The following DOCK3 variants were observed in gnomAD, a reference collection of about 807,000 sequenced individuals.
DOCK3 encodes the protein dedicator of cytokinesis 3.
A neutral mutation model predicts 265.6 loss-of-function variants in DOCK3; 60 were observed. That is an observed-to-expected ratio of 0.23 (90% CI 0.18 to 0.28). The LOEUF is 0.28. DOCK3 is among the 10% of genes least tolerant of loss of function. The pLI is 1.00. For missense variants in DOCK3, 1,981 were observed against 2,594.3 expected, an observed-to-expected ratio of 0.76 and a Z score of 5.14; for synonymous variants, 881 against 938.0, an observed-to-expected ratio of 0.94 and a Z score of 1.11.
chr3:51,021,661 C>CTTTTTT (rs61097732), intron 5 of DOCK3, among the ~76,000 whole-genome samples: 1,488 of 142,606 alleles, frequency 0.01, 60 homozygotes, highest in African/African-American at 0.014. Flanking sequence ...GGAGAACTTC[C>CTTTTTT]TTTTTTTTTT....
intron 9 of DOCK3, among the ~76,000 whole-genome samples, chr3:51,095,902 T>C (rs1576056745): frequency 5.7e-5 from 3 of 52,436 alleles, no homozygotes; most frequent in Admixed American, 2.4e-4. Flanking sequence ...GCCCCCATGC[T>C]CTCTGGCAAA....
At chr3:50,976,000 AT>A (rs1454742125) in intron 5 of DOCK3, among the ~76,000 whole-genome samples, 2 of 150,732 alleles carry the variant, frequency 1.3e-5, no homozygotes, top group Non-Finnish European at 1.5e-5. Flanking sequence ...CCCCTTTATC[AT>A]TTTTTATTGC....
chr3:51,215,751 C>A (rs943480972), intron 14 of DOCK3, among the ~76,000 whole-genome samples: 5 of 152,130 alleles, frequency 3.3e-5, no homozygotes, highest in African/African-American at 1.2e-4. Context: ...TACACACAGC[C>A]TTCGTCTTCT....
At chr3:50,935,199 CTT>C in intron 5 of DOCK3, among the ~76,000 whole-genome samples, 1 of 152,266 alleles carries the variant, frequency 6.6e-6, no homozygotes, top group South Asian at 2.1e-4. Flanking sequence ...AAGACAGAAA[CTT>C]TTAGTAATAC....
intron 5 of DOCK3, among the ~76,000 whole-genome samples, chr3:51,003,196 A>C (rs2078547979): frequency 6.6e-6 from 1 of 152,144 alleles, no homozygotes; most frequent in South Asian, 2.1e-4. Context: ...TGAGAAGAAA[A>C]CCTCAAATAG....
chr3:51,374,659 G>T lies in DOCK3; in HGVS notation c.5412+72G>T. On this transcript the variant is annotated intron_variant, in intron 50 of 52. Transcript: ENST00000266037. The surrounding 1 kb of genome is among the most constrained non-coding windows in gnomAD (Gnocchi z 4.8). The stretch of plus-strand genomic sequence containing the variant: ...CCTGTGCTTCCCTCCTTGCATTTGC[G>T]GGGCCTTCTGCATTGTCCTACATGG... 2 of 1,398,036 alleles carry T rather than the reference G, an allele frequency of 1.4e-6. No homozygotes were observed. Among genetic ancestry groups the T allele is most frequent in the Non-Finnish European group, 9.9e-7 (1 of 1,007,436 alleles). 86.6% of individuals were successfully genotyped at this position (1,398,036 alleles called of 1,614,324 possible).
intron 5 of DOCK3, among the ~76,000 whole-genome samples, chr3:51,007,590 A>C (rs1404069006): frequency 6.6e-6 from 1 of 152,112 alleles, no homozygotes; most frequent in Non-Finnish European, 1.5e-5. Flanking sequence ...CTCTGATGGT[A>C]GTTTCTTTTG....
chr3:51,090,468 T>C, intron 9 of DOCK3, 84 bp downstream of exon 9: 1 of 1,379,550 alleles, frequency 7.2e-7, no homozygotes, highest in South Asian at 1.6e-5. Context: ...AGAAGACAGA[T>C]GCACAGAAGA....
At chr3:50,738,940 A>G (rs2038825907) in intron 1 of DOCK3, among the ~76,000 whole-genome samples, 1 of 152,194 alleles carries the variant, frequency 6.6e-6, no homozygotes, top group Admixed American at 6.5e-5. Context: ...GTCCAGGCAC[A>G]AACAACTCTC....
intron 3 of DOCK3, among the ~76,000 whole-genome samples, chr3:50,849,174 A>C (rs1443350087): frequency 1.3e-5 from 2 of 152,172 alleles, no homozygotes; most frequent in East Asian, 3.9e-4. Context: ...AGCTGGGACC[A>C]CAGGCACATG....
At chr3:50,935,735 C>T (rs149093662) in intron 5 of DOCK3, among the ~76,000 whole-genome samples, 14 of 152,184 alleles carry the variant, frequency 9.2e-5, no homozygotes, top group Non-Finnish European at 1.6e-4. Context: ...GAAGTTACGT[C>T]ATCTACATAA....
chr3:50,738,583 C>A (rs182539843), intron 1 of DOCK3, among the ~76,000 whole-genome samples: 1 of 152,252 alleles, frequency 6.6e-6, no homozygotes, highest in East Asian at 1.9e-4. Context: ...AATTTCTGTG[C>A]TTGTGGCATG....
At chr3:50,930,997 G>A (rs2051035229) in intron 4 of DOCK3, among the ~76,000 whole-genome samples, 1 of 152,150 alleles carries the variant, frequency 6.6e-6, no homozygotes, top group Non-Finnish European at 1.5e-5. Flanking sequence ...CTCCGGGCCT[G>A]GGGGTGGGTC....
chr3:51,269,227 T>G (rs1263794011), intron 23 of DOCK3, among the ~76,000 whole-genome samples: 1 of 149,496 alleles, frequency 6.7e-6, no homozygotes, highest in Non-Finnish European at 1.5e-5. Flanking sequence ...TATATGTATA[T>G]TATTCAGTTA....
chr3:51,061,490 C>T (rs1182052912), intron 5 of DOCK3, among the ~76,000 whole-genome samples: 1 of 151,806 alleles, frequency 6.6e-6, no homozygotes, highest in Admixed American at 6.6e-5. Context: ...CATGTTCTCA[C>T]TCATAGATGG....
chr3:51,249,908 C>A (rs933423384), intron 22 of DOCK3, among the ~76,000 whole-genome samples: 15 of 149,374 alleles, frequency 1.0e-4, no homozygotes, highest in Middle Eastern at 7.0e-3. Flanking sequence ...ACATGGGAGA[C>A]TTTTCATTTT....
At chr3:50,793,826 A>G (rs942220771) in intron 2 of DOCK3, among the ~76,000 whole-genome samples, 1 of 151,966 alleles carries the variant, frequency 6.6e-6, no homozygotes, top group Non-Finnish European at 1.5e-5. Context: ...TTTAGTTGTG[A>G]TGTTAGATTG....
intron 5 of DOCK3, among the ~76,000 whole-genome samples, chr3:50,992,117 C>G (rs1447617354): frequency 1.3e-5 from 2 of 152,288 alleles, no homozygotes; most frequent in African/African-American, 4.8e-5. Flanking sequence ...ATTCATAGCA[C>G]TAAATTCCCA....
At chr3:50,804,749 C>A (rs1364989113) in intron 2 of DOCK3, among the ~76,000 whole-genome samples, 1 of 150,658 alleles carries the variant, frequency 6.6e-6, no homozygotes. Context: ...GAGAGAGAGA[C>A]CGTGGGGAGA....
Sources: allele counts gnomAD v4.1 joint callset (sites outside exome capture counted in the v4.1 genomes callset), GRCh38; gene constraint gnomAD v4.1.1; non-coding constraint Gnocchi (gnomAD v3.1); transcripts MANE v1.5; gene names NCBI Gene and HGNC (gene_info 2026-07-23, HGNC 2026-07-21).